GPC6: variants seen among roughly 807,000 people sequenced by gnomAD.
GPC6 encodes the protein glypican-6.
A neutral mutation model predicts 55.2 loss-of-function variants in GPC6; 14 were observed. The observed-to-expected ratio is 0.25, with a 90% confidence interval of 0.17 to 0.40. The LOEUF (loss-of-function observed/expected upper bound fraction) is 0.40, where lower values mean the gene tolerates loss of function less well. Among genes scored for constraint, GPC6 ranks in the 10% least tolerant of loss-of-function variants. The pLI is 1.00. For synonymous variants in GPC6, 278 were observed against 259.6 expected, an observed-to-expected ratio of 1.07 and a Z score of -0.68; for missense variants, 641 against 708.5, an observed-to-expected ratio of 0.90 and a Z score of 1.08.
At chr13:93,622,362 G>C (rs1465485475) in intron 2 of GPC6, among the ~76,000 whole-genome samples, 1 of 152,102 alleles carries the variant, frequency 6.6e-6, no homozygotes, top group Non-Finnish European at 1.5e-5. Flanking sequence ...TGGATGAGTA[G>C]TATTCCATTG....
intron 1 of GPC6, among the ~76,000 whole-genome samples, chr13:93,409,505 G>A (rs1876417110): frequency 1.3e-5 from 2 of 152,254 alleles, no homozygotes; most frequent in Admixed American, 1.3e-4. Context: ...GGAAGGTGTT[G>A]CCTCAACTAG....
intron 4 of GPC6, among the ~76,000 whole-genome samples, chr13:94,221,138 G>A (rs755627329): frequency 1.4e-4 from 21 of 151,966 alleles, no homozygotes; most frequent in Non-Finnish European, 2.9e-4. Flanking sequence ...TTCTATAGGC[G>A]TTTCTCTGTA....
At chr13:93,490,664 C>A (rs1277856227) in intron 1 of GPC6, among the ~76,000 whole-genome samples, 2 of 79,618 alleles carry the variant, frequency 2.5e-5, no homozygotes, top group African/African-American at 4.7e-5. Flanking sequence ...TGCTATCCCT[C>A]CCCCCTCCCC....
intron 6 of GPC6, among the ~76,000 whole-genome samples, chr13:94,316,884 CTT>C (rs1876567871): frequency 6.6e-6 from 1 of 152,166 alleles, no homozygotes; most frequent in South Asian, 2.1e-4. Context: ...GATTTTTCTG[CTT>C]TTCTTTCTGG....
Position 93,762,331 on chromosome 13 carries a change from T to G in GPC6, c.320-67823T>G, listed in dbSNP as rs147107596. Among the ~76,000 whole-genome samples, 96 of 152,298 alleles carry G rather than the reference T, an allele frequency of 6.3e-4. 2 individuals carry two copies. The highest frequency in any genetic ancestry group is 2.1e-3 in the African/African-American group (87 of 41,566). On this transcript the variant is annotated intron_variant, in intron 2 of 8. Coordinates refer to ENST00000377047, the MANE Select transcript of GPC6 (RefSeq NM_005708.5). ...CCTACAGCCTCCAAAACCAGGAAAT[T>G]TCGTTGATAGTGTATTTCCTGATGT... is the stretch of plus-strand genomic sequence containing the variant.
chr13:93,312,152 C>G (rs1033512166), intron 1 of GPC6, among the ~76,000 whole-genome samples: 1 of 151,934 alleles, frequency 6.6e-6, no homozygotes, highest in African/African-American at 2.4e-5. Context: ...TTTTTCTTTT[C>G]TTATTCCAGG....
intron 1 of GPC6, among the ~76,000 whole-genome samples, chr13:93,284,148 G>T (rs890954880): frequency 2.0e-5 from 3 of 152,164 alleles, no homozygotes; most frequent in African/African-American, 7.2e-5. Context: ...TTAAGCAAGT[G>T]CATCTGATTT....
At chr13:93,582,829 A>G (rs1218300204) in intron 2 of GPC6, among the ~76,000 whole-genome samples, 7 of 152,174 alleles carry the variant, frequency 4.6e-5, no homozygotes. Context: ...GCGAAGTGAA[A>G]CCTGTCGTTA....
At chr13:93,588,613 A>G (rs1877316908) in intron 2 of GPC6, among the ~76,000 whole-genome samples, 1 of 152,180 alleles carries the variant, frequency 6.6e-6, no homozygotes. Flanking sequence ...TGGTGCTGGC[A>G]TCTGTTTTGG....
At chr13:94,361,318 T>C (rs1224062340) in intron 6 of GPC6, among the ~76,000 whole-genome samples, 1 of 152,190 alleles carries the variant, frequency 6.6e-6, no homozygotes, top group African/African-American at 2.4e-5. Context: ...GGCCCAGTGT[T>C]TAGAAGTACC....
At chr13:93,450,435 T>G (rs567789351) in intron 1 of GPC6, among the ~76,000 whole-genome samples, 1 of 152,200 alleles carries the variant, frequency 6.6e-6, no homozygotes, top group East Asian at 1.9e-4. Context: ...GAGCCATAAG[T>G]GCTCATTCTT....
chr13:93,628,172 G>A (rs984777013), intron 2 of GPC6, among the ~76,000 whole-genome samples: 1 of 152,130 alleles, frequency 6.6e-6, no homozygotes, highest in East Asian at 1.9e-4. Context: ...CAAAGAAAAT[G>A]GAAGTGCCTT....
chr13:94,022,422 CT>C (rs945877867), intron 3 of GPC6, among the ~76,000 whole-genome samples: 2 of 151,924 alleles, frequency 1.3e-5, no homozygotes, highest in Non-Finnish European at 2.9e-5. Flanking sequence ...GCAGGAACTC[CT>C]TTTTTTAAGA....
At chr13:93,901,450 C>G (rs1876345409) in intron 3 of GPC6, among the ~76,000 whole-genome samples, 1 of 151,972 alleles carries the variant, frequency 6.6e-6, no homozygotes, top group Non-Finnish European at 1.5e-5. Flanking sequence ...GAAACTAGAA[C>G]AAAAACCTTG....
chr13:94,266,245 T>G (rs1046750236), intron 4 of GPC6, among the ~76,000 whole-genome samples: 3 of 152,000 alleles, frequency 2.0e-5, no homozygotes, highest in Non-Finnish European at 2.9e-5. Context: ...CTTGGCTCAC[T>G]GCAAGCTCCG....
chr13:94,398,345 A>C (rs781096629), intron 7 of GPC6, 121 bp from the exon 8 acceptor site: 13 of 745,722 alleles, frequency 1.7e-5, no homozygotes, highest in Non-Finnish European at 3.1e-5. Context: ...AACTAGATCC[A>C]GTTTTTGCCA....
intron 3 of GPC6, among the ~76,000 whole-genome samples, chr13:93,897,096 T>C (rs1389550733): frequency 1.3e-5 from 2 of 151,738 alleles, no homozygotes; most frequent in Non-Finnish European, 2.9e-5. Context: ...AAAAAAAGCA[T>C]ACATAGGAGC....
intron 3 of GPC6, among the ~76,000 whole-genome samples, chr13:93,867,901 A>G (rs1019014406): frequency 2.6e-5 from 4 of 151,752 alleles, no homozygotes; most frequent in Admixed American, 1.3e-4. Context: ...CCAGGTCCAA[A>G]GCCTGTATGG....
chr13:93,825,860 C>CTTTTTTTTTTTTTTTTTTTTTATTTTTT (rs1029574657), intron 2 of GPC6, among the ~76,000 whole-genome samples: 1 of 124,184 alleles, frequency 8.1e-6, no homozygotes, highest in Non-Finnish European at 1.7e-5. Context: ...TTATTATTTT[C>CTTTTTTTTTTTTTTTTTTTTTATTTTTT]TTTTTTTTTT....
Sources: gnomAD v4.1 joint callset for allele counts (sites outside exome capture counted in the v4.1 genomes callset) on GRCh38, gnomAD v4.1.1 for gene constraint, MANE v1.5 for transcripts, NCBI Gene and HGNC (gene_info 2026-07-23, HGNC 2026-07-21) for gene names.